The following DENND1A variants were observed in gnomAD, a reference collection of about 807,000 sequenced individuals.
DENND1A encodes the protein DENN domain-containing protein 1A.
DENND1A carries 51 observed loss-of-function variants against 113.7 expected under a neutral mutation model. That is an observed-to-expected ratio of 0.45 (90% CI 0.36 to 0.57). DENND1A has a LOEUF of 0.57. Among genes scored for constraint, DENND1A ranks in the 20% least tolerant of loss-of-function variants. The pLI is 0.00. For missense variants in DENND1A, 1,258 were observed against 1,395.9 expected (o/e 0.90, Z 1.57); for synonymous variants, 565 against 570.8 (o/e 0.99, Z 0.14).
intron 10 of DENND1A, among the ~76,000 whole-genome samples, chr9:123,618,006 T>C (rs1304748930): frequency 6.6e-6 from 1 of 152,232 alleles, no homozygotes; most frequent in Non-Finnish European, 1.5e-5. Flanking sequence ...TCATCCCATG[T>C]GCCAAGATGC....
chr9:123,650,673 G>A (rs192031372), intron 9 of DENND1A, among the ~76,000 whole-genome samples: 2 of 152,186 alleles, frequency 1.3e-5, no homozygotes, highest in East Asian at 3.9e-4. Flanking sequence ...TTGGGAGGCT[G>A]AGGTGGGTGG....
intron 1 of DENND1A, among the ~76,000 whole-genome samples, chr9:123,893,405 G>A (rs374171580): frequency 2.6e-5 from 4 of 152,298 alleles, no homozygotes; most frequent in South Asian, 2.1e-4. Flanking sequence ...TTAAAAGACC[G>A]TCATTAGCAG....
chr9:123,435,304 G>A (rs1213891753), intron 19 of DENND1A, among the ~76,000 whole-genome samples: 3 of 152,152 alleles, frequency 2.0e-5, no homozygotes, highest in African/African-American at 7.2e-5. Context: ...AGCCTAGCAT[G>A]GGATTGGCAC....
chr9:123,815,447 A>G (rs1837287285), intron 2 of DENND1A, among the ~76,000 whole-genome samples: 2 of 152,232 alleles, frequency 1.3e-5, no homozygotes, highest in Admixed American at 1.3e-4. Flanking sequence ...ATTCTACTCA[A>G]AAATGATCAG....
intron 12 of DENND1A, among the ~76,000 whole-genome samples, chr9:123,571,019 T>C (rs1212618768): frequency 3.9e-5 from 6 of 152,158 alleles, no homozygotes; most frequent in African/African-American, 1.4e-4. Flanking sequence ...GTGAAAACAC[T>C]ACTTTGGCAA....
intron 13 of DENND1A, among the ~76,000 whole-genome samples, chr9:123,544,888 G>A (rs1018152391): frequency 7.9e-5 from 12 of 152,120 alleles, no homozygotes; most frequent in Non-Finnish European, 1.5e-4. Context: ...CACCAGGTCA[G>A]GAGATCAAGA....
At chr9:123,555,943 G>C (rs1241006255) in intron 13 of DENND1A, among the ~76,000 whole-genome samples, 1 of 152,206 alleles carries the variant, frequency 6.6e-6, no homozygotes, top group African/African-American at 2.4e-5. Context: ...CCCAAGCAAA[G>C]GATTGGGCCA....
intron 5 of DENND1A, among the ~76,000 whole-genome samples, chr9:123,678,452 G>A (rs1460398808): frequency 6.6e-6 from 1 of 152,194 alleles, no homozygotes; most frequent in Non-Finnish European, 1.5e-5. Flanking sequence ...TGTACCAAGC[G>A]CTTGCCGGCC....
intron 5 of DENND1A, among the ~76,000 whole-genome samples, chr9:123,691,759 C>A (rs1460211950): frequency 6.6e-6 from 1 of 151,984 alleles, no homozygotes; most frequent in Non-Finnish European, 1.5e-5. Context: ...GGAGGATAGT[C>A]TGGAATCAGA....
chr9:123,523,771 C>A (rs993973647), intron 13 of DENND1A, among the ~76,000 whole-genome samples: 3 of 152,212 alleles, frequency 2.0e-5, no homozygotes, highest in African/African-American at 7.2e-5. Flanking sequence ...TTAGAATCAA[C>A]TGGCCTGAAA....
At chr9:123,912,933 T>G (rs2134045003) in intron 1 of DENND1A, among the ~76,000 whole-genome samples, 1 of 152,112 alleles carries the variant, frequency 6.6e-6, no homozygotes, top group African/African-American at 2.4e-5. Context: ...GAGGTTTCCA[T>G]GGAGGCCTAC....
In DENND1A at chr9:123,382,443, C is replaced by A. The variant is rs769596954; in HGVS notation, c.2202G>T (p.Arg734Ser). ...LLGNSLALPR[R>S]PQNRDSILNP... is the part of the protein sequence containing the mutation. Reference sequence around the variant, plus strand: ...TCAGGATGCTGTCCCGGTTCTGGGGCCTTCGAGGCAGGGCCAGGGAGTTTC... The same window carrying A: ...TCAGGATGCTGTCCCGGTTCTGGGGACTTCGAGGCAGGGCCAGGGAGTTTC... The change falls in exon 24 of 24, where the codon AGG becomes AGT. Residue 734 changes from arginine (R) to serine (S), a missense_variant. Transcript: ENST00000394215. The A allele has an allele frequency of 2.5e-6, 4 of 1,610,880 alleles. No homozygotes were observed. The highest frequency in any genetic ancestry group is 2.7e-5 in the African/African-American group (2 of 74,866).
In DENND1A at chr9:123,583,214, G is replaced by A. The variant is rs149042775; in HGVS notation, c.822C>T (p.Thr274=). ...GGAGGTCATCGAAGGGGGTTTCCAGGGTGTTGGTGTCCACATTCAGGATCA... is the reference window on the plus strand; with the variant it reads ...GGAGGTCATCGAAGGGGGTTTCCAGAGTGTTGGTGTCCACATTCAGGATCA... ...DVVILNVDTN[T]LETPFDDLQS... Residue 274 remains threonine, a synonymous_variant, in exon 12 of 24, where the codon ACC becomes ACT. Transcript: ENST00000394215. 3.1e-6 allele frequency: 5 copies of A among 1,612,834 alleles called. No individual in the cohort carries two copies. In the East Asian group the frequency reaches 6.7e-5, roughly 22 times the overall value.
intron 2 of DENND1A, among the ~76,000 whole-genome samples, chr9:123,874,141 A>G (rs1232520328): frequency 6.6e-6 from 1 of 150,492 alleles, no homozygotes; most frequent in Non-Finnish European, 1.5e-5. Context: ...TTGATCCAGG[A>G]GTTTGATATC....
Position 123,382,594 on chromosome 9 carries a change from C to A in DENND1A, c.2051G>T (p.Arg684Leu), listed in dbSNP as rs751689270. Reference sequence around the variant, plus strand: ...AAGCTTCAAGGCCACTGTCACCCCGCGGCTCCTCTCACTCCCGCCCAGATC... The same window carrying A: ...AAGCTTCAAGGCCACTGTCACCCCGAGGCTCCTCTCACTCCCGCCCAGATC... ...RLDLGGSERS[R>L]GVTVALKLTH... Residue 684 changes from arginine to leucine, a missense_variant, in exon 24 of 24, where the codon CGC becomes CTC. Around this residue, in one of 2 missense-constraint regions of DENND1A, gnomAD observed 1,159 missense variants for 1,231.7 expected, o/e 0.94. Transcript: ENST00000394215. 5.0e-6 allele frequency: 8 copies of A among 1,614,052 alleles called. No individual in the cohort carries two copies. The East Asian group carries it at 1.1e-4, about 22-fold the overall frequency.
intron 2 of DENND1A, among the ~76,000 whole-genome samples, chr9:123,849,499 G>GAA (rs1564385864): frequency 6.6e-6 from 1 of 152,102 alleles, no homozygotes; most frequent in Non-Finnish European, 1.5e-5. Flanking sequence ...ACCCACTGTT[G>GAA]AAACCTACTA....
At chr9:123,621,947 T>C (rs1224480893) in intron 10 of DENND1A, among the ~76,000 whole-genome samples, 1 of 152,172 alleles carries the variant, frequency 6.6e-6, no homozygotes, top group African/African-American at 2.4e-5. Flanking sequence ...ATGCACCATG[T>C]GGGGGCTGAT....
intron 7 of DENND1A, among the ~76,000 whole-genome samples, chr9:123,668,821 T>A (rs2063619660): frequency 6.6e-6 from 1 of 152,226 alleles, no homozygotes; most frequent in Non-Finnish European, 1.5e-5. Context: ...GCGTGGGAAC[T>A]AGTGATTAAT....
At chr9:123,846,183 C>G (rs1320901068) in intron 2 of DENND1A, among the ~76,000 whole-genome samples, 1 of 152,172 alleles carries the variant, frequency 6.6e-6, no homozygotes, top group East Asian at 1.9e-4. Context: ...ATAAAAGAGA[C>G]AGACAACAGT....
Sources: allele counts gnomAD v4.1 joint callset (sites outside exome capture counted in the v4.1 genomes callset), GRCh38; gene constraint gnomAD v4.1.1; regional missense constraint gnomAD v4.1.1; transcripts MANE v1.5; gene names NCBI Gene and HGNC (gene_info 2026-07-23, HGNC 2026-07-21).